Variants in AHCY observed in about 807,000 individuals in gnomAD.
AHCY encodes adenosylhomocysteinase.
Under a neutral mutation model 45.4 loss-of-function variants are expected in AHCY, and 24 were observed. The observed-to-expected ratio is 0.53, with a 90% CI of 0.38 to 0.74. The LOEUF (loss-of-function observed/expected upper bound fraction) is 0.74. Among genes scored for constraint, AHCY ranks in the 30% least tolerant of loss-of-function variants. The pLI, the probability that AHCY is intolerant of heterozygous loss-of-function variation, is 0.00. For missense variants in AHCY, 449 were observed against 594.1 expected (o/e 0.76, Z 2.54); for synonymous variants, 245 against 235.1 (o/e 1.04, Z -0.39).
At chr20:34,285,294 G>A in intron 9 of AHCY, 146 bp downstream of exon 9, 2 of 839,844 alleles carry the variant, frequency 2.4e-6, no homozygotes, top group South Asian at 3.1e-5. Flanking sequence ...TGTCAATGGG[G>A]AGAATGACTT....
At chr20:34,265,657 TAAGTA>T in the AHCY span, among the ~76,000 whole-genome samples, 1 of 150,554 alleles carries the variant, frequency 6.6e-6, no homozygotes. Context: ...ACTATAAAAA[TAAGTA>T]AAGTTGGCCG....
At chr20:34,266,081 C>T in the AHCY span, among the ~76,000 whole-genome samples, 1 of 152,152 alleles carries the variant, frequency 6.6e-6, no homozygotes, top group Non-Finnish European at 1.5e-5. Flanking sequence ...TGGCCAGGCA[C>T]GGTGGCTCAC....
intron 8 of AHCY, among the ~76,000 whole-genome samples, chr20:34,287,960 T>A (rs1050826848): frequency 1.3e-5 from 2 of 152,216 alleles, no homozygotes; most frequent in African/African-American, 4.8e-5. Context: ...AAGGTGCCCA[T>A]CACCCCAATG....
chr20:34,270,595 T>C, the AHCY span, among the ~76,000 whole-genome samples: 5 of 152,238 alleles, frequency 3.3e-5, no homozygotes, highest in Non-Finnish European at 7.3e-5. Context: ...ACAAAGCCAC[T>C]TGGCTGCTGG....
intron 1 of AHCY, among the ~76,000 whole-genome samples, chr20:34,308,646 A>G (rs1271876843): frequency 6.6e-6 from 1 of 151,988 alleles, no homozygotes; most frequent in African/African-American, 2.4e-5. Context: ...AAGGGTAATT[A>G]ATTTGGCAAT....
chr20:34,255,643 G>A, the AHCY span, among the ~76,000 whole-genome samples: 17,988 of 152,206 alleles, frequency 0.12, 1,138 homozygotes, highest in South Asian at 0.19. Context: ...AATAATCTTT[G>A]TTCTACAATT....
downstream of AHCY, among the ~76,000 whole-genome samples, chr20:34,280,108 G>A (rs1267091831): frequency 6.6e-6 from 1 of 151,998 alleles, no homozygotes; most frequent in Non-Finnish European, 1.5e-5. Flanking sequence ...AAACGAAAGA[G>A]TTCCCTCTTC....
At chr20:34,240,643 A>G in the AHCY span, among the ~76,000 whole-genome samples, 2 of 151,878 alleles carry the variant, frequency 1.3e-5, no homozygotes, top group African/African-American at 4.8e-5. Flanking sequence ...TCCACCAACT[A>G]CTCCTTAACT....
the AHCY span, among the ~76,000 whole-genome samples, chr20:34,268,213 C>G: frequency 1.3e-3 from 193 of 152,258 alleles, no homozygotes; most frequent in African/African-American, 4.5e-3. Context: ...ATCGAAGGTA[C>G]AAAAACCAGT....
chr20:34,279,534 G>A (rs1601630932), downstream of AHCY, among the ~76,000 whole-genome samples: 2 of 152,236 alleles, frequency 1.3e-5, no homozygotes, highest in Non-Finnish European at 2.9e-5. Flanking sequence ...GGGAGTGGGT[G>A]CCCTGTCATT....
chr20:34,305,455 G>T (rs1190623392), upstream of AHCY, among the ~76,000 whole-genome samples: 1 of 152,138 alleles, frequency 6.6e-6, no homozygotes, highest in Non-Finnish European at 1.5e-5. Flanking sequence ...ACTTCCTGAG[G>T]GAACGAGGGT....
the AHCY span, among the ~76,000 whole-genome samples, chr20:34,255,589 C>A: frequency 6.6e-6 from 1 of 152,160 alleles, no homozygotes. Flanking sequence ...ATATGAATAT[C>A]ATTAATCATT....
At chr20:34,263,661 C>CT in the AHCY span, among the ~76,000 whole-genome samples, 18,617 of 134,346 alleles carry the variant, frequency 0.14, 1,257 homozygotes, top group East Asian at 0.22. Context: ...TATTTTATGT[C>CT]TTTTTTTTTT....
At chr20:34,284,288 T>C (rs2122724238) in intron 9 of AHCY, among the ~76,000 whole-genome samples, 1 of 152,252 alleles carries the variant, frequency 6.6e-6, no homozygotes, top group East Asian at 1.9e-4. Flanking sequence ...GCTTCCCAAG[T>C]ACCTGGGACT....
In AHCY at chr20:34,290,368, G is replaced by T; in HGVS notation, c.936C>A (p.Asn312Lys). The change falls in exon 8 of 10, where the codon AAC becomes AAA. Residue 312 changes from asparagine (N) to lysine (K), a missense_variant. Transcript: ENST00000217426. The surrounding 1 kb of genome is among the most constrained non-coding windows in gnomAD (Gnocchi z 4.5). ...FDVEIDVKWLNENAVEKVNIK... is the reference protein window; with the variant it reads ...FDVEIDVKWLKENAVEKVNIK... ...TGTTCACCTTCTCCACGGCGTTCTC[G>T]TTGAGCCACTTGACATCGATCTCCA... 1 of 1,614,066 alleles carries T rather than the reference G, an allele frequency of 6.2e-7. No homozygotes were observed. The highest frequency in any genetic ancestry group is 2.2e-5 in the East Asian group (1 of 44,870).
chr20:34,288,749 A>G (rs1434394131), intron 8 of AHCY, among the ~76,000 whole-genome samples: 1 of 152,064 alleles, frequency 6.6e-6, no homozygotes, highest in Non-Finnish European at 1.5e-5. Context: ...GAGATTGCCC[A>G]GTCAAAGAGG....
chr20:34,298,766 C>T (rs1179278344), intron 1 of AHCY, among the ~76,000 whole-genome samples: 1 of 152,180 alleles, frequency 6.6e-6, no homozygotes, highest in Non-Finnish European at 1.5e-5. Context: ...CACTCCTAGT[C>T]TGCCTTCATG....
At chr20:34,237,520 A>G in the AHCY span, among the ~76,000 whole-genome samples, 1 of 152,228 alleles carries the variant, frequency 6.6e-6, no homozygotes, top group Non-Finnish European at 1.5e-5. Flanking sequence ...CTACTTTGCT[A>G]AACTGATTTA....
the AHCY span, among the ~76,000 whole-genome samples, chr20:34,256,137 C>A: frequency 6.6e-6 from 1 of 152,200 alleles, no homozygotes; most frequent in South Asian, 2.1e-4. Context: ...GAAATAATGG[C>A]ATAAACTGTC....
Sources: gnomAD v4.1 joint callset for allele counts (sites outside exome capture counted in the v4.1 genomes callset) on GRCh38, gnomAD v4.1.1 for gene constraint, Gnocchi (gnomAD v3.1) non-coding constraint, MANE v1.5 for transcripts, NCBI Gene and HGNC (gene_info 2026-07-23, HGNC 2026-07-21) for gene names.